Variants in CFAP97D2 observed in about 807,000 individuals in gnomAD.
CFAP97D2 encodes uncharacterized protein CFAP97D2.
chr13:114,205,716 T>A (rs961716252), intron 3 of CFAP97D2, among the ~76,000 whole-genome samples: 1 of 152,120 alleles, frequency 6.6e-6, no homozygotes, highest in South Asian at 2.1e-4. Flanking sequence ...GACACACAGG[T>A]CTTCTGGGCT....
intron 3 of CFAP97D2, among the ~76,000 whole-genome samples, chr13:114,209,267 AGC>A (rs2080955724): frequency 6.6e-6 from 1 of 152,254 alleles, no homozygotes; most frequent in Non-Finnish European, 1.5e-5. Flanking sequence ...AACTTCAAGT[AGC>A]CAAAGTCATC....
At chr13:114,194,757 A>G (rs9525300) in intron 1 of CFAP97D2, among the ~76,000 whole-genome samples, 84,702 of 152,050 alleles carry the variant, frequency 0.56, 24,717 homozygotes, top group African/African-American at 0.75. Flanking sequence ...TAAATTAAAC[A>G]AGAAGCAACA....
intron 3 of CFAP97D2, 121 bp downstream of exon 3, chr13:114,200,564 C>T (rs568358902): frequency 2.6e-6 from 1 of 392,118 alleles, no homozygotes; most frequent in Non-Finnish European, 4.5e-6. Context: ...TGTCCTCTCC[C>T]GAAAACAGCC....
At position 114,182,494 on chromosome 13, in the gene CFAP97D2, T is replaced by A. The variant is rs1229249030; in HGVS notation, c.90+3074T>A. Among the ~76,000 whole-genome samples, 7 of 151,808 alleles carry A rather than the reference T, an allele frequency of 4.6e-5. No homozygotes were observed. The South Asian group carries it at 1.1e-3, about 23-fold the overall frequency. On this transcript the variant is annotated intron_variant, in intron 1 of 4. Coordinates refer to ENST00000646158, the Ensembl canonical transcript of CFAP97D2. ...CACCTCAGCACAGACCCTTTACCGGTGTCGGGCTGGGGTACAGTCAGGTCT... is the reference window on the plus strand; with the variant it reads ...CACCTCAGCACAGACCCTTTACCGGAGTCGGGCTGGGGTACAGTCAGGTCT...
chr13:114,197,326 C>T (rs111622127), intron 2 of CFAP97D2, among the ~76,000 whole-genome samples: 8,171 of 152,186 alleles, frequency 0.054, 391 homozygotes, highest in African/African-American at 0.13. Flanking sequence ...CTTATTGCTA[C>T]AAAGAGTCTT....
rs2080852686 is a variant in CFAP97D2 at position 114,186,047 on chromosome 13, A to G, written c.90+6627A>G. ...GCCCATGGCCACCCATGGACCAATC[A>G]GCATGCACTTCCTCCACACTGAGGC... On this transcript the variant is annotated intron_variant, in intron 1 of 4. Coordinates refer to ENST00000646158, the Ensembl canonical transcript of CFAP97D2. This position sits in a 1 kb window ranked among gnomAD's most constrained non-coding sequence, Gnocchi z 4.3. Among the ~76,000 whole-genome samples the G allele has an allele frequency of 6.6e-6, 1 of 152,204 alleles. No homozygotes were observed. The highest frequency in any genetic ancestry group is 1.5e-5 in the Non-Finnish European group (1 of 68,032).
chr13:114,198,507 C>CGCCA (rs1281635614), intron 2 of CFAP97D2, among the ~76,000 whole-genome samples: 10 of 152,244 alleles, frequency 6.6e-5, no homozygotes. Flanking sequence ...TTAGCACCAC[C>CGCCA]GCCACATGTT....
At position 114,186,393 on chromosome 13, in the gene CFAP97D2, T is replaced by G. The variant is rs1342512655; in HGVS notation, c.90+6973T>G. 2.0e-5 allele frequency among the ~76,000 whole-genome samples: 3 copies of G among 152,204 alleles called. No individual in the cohort carries two copies. The highest frequency in any genetic ancestry group is 7.2e-5 in the African/African-American group (3 of 41,440). ...TCTATTGTTCAGTAAAGCTCCTCTT[T>G]GTCTTGCTCACCCTCCACTTGTCTG... On this transcript the variant is annotated intron_variant, in intron 1 of 4. Transcript: ENST00000646158. This position sits in a 1 kb window ranked among gnomAD's most constrained non-coding sequence, Gnocchi z 4.3.
intron 3 of CFAP97D2, among the ~76,000 whole-genome samples, chr13:114,204,901 G>A (rs757666873): frequency 6.6e-6 from 1 of 152,108 alleles, no homozygotes; most frequent in Non-Finnish European, 1.5e-5. Context: ...CCCACAGAAT[G>A]GGAGAAAATA....
chr13:114,194,917 C>G (rs891917227), intron 1 of CFAP97D2, among the ~76,000 whole-genome samples: 7 of 152,334 alleles, frequency 4.6e-5, no homozygotes, highest in African/African-American at 1.7e-4. Context: ...GTAGGCATCT[C>G]AGATTAAACA....
At chr13:114,182,188 T>C (rs1027787686) in intron 1 of CFAP97D2, among the ~76,000 whole-genome samples, 4 of 142,268 alleles carry the variant, frequency 2.8e-5, no homozygotes, top group Non-Finnish European at 4.6e-5. Context: ...CAAAAGAGTC[T>C]ATGTCGTAAT....
intron 1 of CFAP97D2, among the ~76,000 whole-genome samples, chr13:114,188,424 G>A (rs1594514259): frequency 1.3e-5 from 2 of 152,146 alleles, no homozygotes; most frequent in African/African-American, 4.8e-5. Flanking sequence ...GGCATTGAAT[G>A]CATATATTAG....
chr13:114,216,799 T>C (rs1054362883), intron 4 of CFAP97D2, among the ~76,000 whole-genome samples: 3 of 152,246 alleles, frequency 2.0e-5, no homozygotes, highest in Non-Finnish European at 4.4e-5. Context: ...CCTTTGGGTA[T>C]ATGCCCAGTA....
intron 3 of CFAP97D2, among the ~76,000 whole-genome samples, chr13:114,210,037 C>G (rs2138780875): frequency 6.6e-6 from 1 of 152,294 alleles, no homozygotes; most frequent in South Asian, 2.1e-4. Flanking sequence ...ATTTAACTAT[C>G]ATTTCATCAC....
intron 4 of CFAP97D2, among the ~76,000 whole-genome samples, chr13:114,216,833 A>G (rs1275611531): frequency 4.6e-5 from 7 of 152,194 alleles, no homozygotes; most frequent in Non-Finnish European, 8.8e-5. Flanking sequence ...GTCAAATGGT[A>G]TTTCTAGTTC....
In CFAP97D2 at chr13:114,185,664, G is replaced by T. The variant is rs961341347; in HGVS notation, c.90+6244G>T. Among the ~76,000 whole-genome samples the T allele has an allele frequency of 6.6e-6, 1 of 152,238 alleles. No homozygotes were observed. The highest frequency in any genetic ancestry group is 2.4e-5 in the African/African-American group (1 of 41,472). ...ACTGTTGGCACCAGCTCCGATCTTG[G>T]AGAAAAGTTGGGGCCAAGCCCAGGC... On this transcript the variant is annotated intron_variant, in intron 1 of 4. Coordinates refer to ENST00000646158, the Ensembl canonical transcript of CFAP97D2. The surrounding 1 kb of genome is among the most constrained non-coding windows in gnomAD (Gnocchi z 5.2).
chr13:114,192,653 A>G (rs2080873857), intron 1 of CFAP97D2, among the ~76,000 whole-genome samples: 1 of 152,226 alleles, frequency 6.6e-6, no homozygotes, highest in Non-Finnish European at 1.5e-5. Flanking sequence ...CATGACAAAT[A>G]CTTCACCAAA....
intron 3 of CFAP97D2, among the ~76,000 whole-genome samples, chr13:114,201,065 T>A (rs1290789633): frequency 5.3e-5 from 8 of 152,194 alleles, no homozygotes; most frequent in Admixed American, 5.2e-4. Flanking sequence ...GAAGTGGAGT[T>A]CTGCCCTCTG....
chr13:114,222,555 T>C (rs933057801), downstream of CFAP97D2: 22 of 391,004 alleles, frequency 5.6e-5, no homozygotes, highest in African/African-American at 3.8e-4. The surrounding 1 kb of genome is among the most constrained non-coding windows in gnomAD (Gnocchi z 4.4). Context: ...AAAAGAGAAG[T>C]GAGGAAGGGT....
Sources: allele counts gnomAD v4.1 joint callset (sites outside exome capture counted in the v4.1 genomes callset), GRCh38; gene constraint gnomAD v4.1.1; non-coding constraint Gnocchi (gnomAD v3.1); transcripts MANE v1.5; gene names NCBI Gene and HGNC (gene_info 2026-07-23, HGNC 2026-07-21).